NDE1: variants seen among roughly 807,000 people sequenced by gnomAD.
The protein encoded by NDE1 is nudE neurodevelopment protein 1.
NDE1 carries 28 observed loss-of-function variants against 43.4 expected under a neutral mutation model. The ratio of observed to expected loss-of-function variants is 0.65; its 90% CI spans 0.48 to 0.89. The LOEUF (loss-of-function observed/expected upper bound fraction) is 0.89. Ranked by LOEUF, NDE1 falls within the 40% of genes least tolerant of loss-of-function variation. The pLI is 0.00. For missense variants in NDE1, 441 were observed against 434.1 expected (o/e 1.02, Z -0.14); for synonymous variants, 184 against 172.0 (o/e 1.07, Z -0.55).
chr16:15,645,704 A>G (rs776041516), upstream of NDE1, among the ~76,000 whole-genome samples: 3 of 152,194 alleles, frequency 2.0e-5, no homozygotes, highest in Non-Finnish European at 2.9e-5. Flanking sequence ...TTGCTGGGAA[A>G]ACTTTAGAGA....
chr16:15,715,407 G>A (rs902439122), intron 8 of NDE1: 3 of 781,364 alleles, frequency 3.8e-6, no homozygotes, highest in Non-Finnish European at 6.7e-6. Flanking sequence ...CAGTCAGATG[G>A]TGGAATAGTA....
chr16:15,690,283 C>T (rs1031692303), intron 5 of NDE1, among the ~76,000 whole-genome samples: 2 of 150,474 alleles, frequency 1.3e-5, no homozygotes, highest in African/African-American at 2.4e-5. Context: ...AGCAATCCTC[C>T]CATCTCGACC....
intron 8 of NDE1, chr16:15,708,753 A>G (rs1268352638): frequency 1.9e-6 from 3 of 1,573,536 alleles, no homozygotes; most frequent in Non-Finnish European, 2.6e-6. Context: ...TGGGCAGAAA[A>G]GAAATGGATA....
rs1567701550 is a variant in NDE1 at position 15,725,149 on chromosome 16, A to AG, written c.*898_*899insG. ...GGGACTCTGATAAAAAAAAAAAAAA[A>AG]CACACACACACACAAAAAAAACAGA... On this transcript the variant is annotated 3_prime_UTR_variant, in exon 9 of 9. Coordinates refer to ENST00000396354, the MANE Select transcript of NDE1 (RefSeq NM_017668.3). 1.7e-5 allele frequency: 10 copies of AG among 575,984 alleles called. No homozygotes were observed. In the African/African-American group the frequency reaches 2.2e-4, roughly 13 times the overall value. The allele number at this position is 575,984 out of a possible 1,614,324, so 35.7% of individuals were successfully genotyped here.
intron 4 of NDE1, chr16:15,684,132 G>C (rs2038315208): frequency 6.6e-6 from 1 of 152,232 alleles, no homozygotes; most frequent in Non-Finnish European, 1.5e-5. Context: ...TTGACAGACT[G>C]AGGCAGGAGA....
chr16:15,673,945 G>T (rs1377267435), intron 3 of NDE1, among the ~76,000 whole-genome samples: 1 of 152,120 alleles, frequency 6.6e-6, no homozygotes. Flanking sequence ...AGGAGGCTGG[G>T]GTTTGGTCTT....
chr16:15,717,043 C>G (rs575890956), intron 8 of NDE1: 250 of 1,331,650 alleles, frequency 1.9e-4, no homozygotes, highest in Admixed American at 7.9e-4. Context: ...TTCTTACAAG[C>G]CAGAACTGAT....
intron 1 of NDE1, among the ~76,000 whole-genome samples, chr16:15,651,227 C>T (rs1234673533): frequency 2.6e-5 from 4 of 152,252 alleles, no homozygotes; most frequent in South Asian, 2.1e-4. Context: ...CCTCAGGCCC[C>T]TTTTAACTTT....
intron 6 of NDE1, among the ~76,000 whole-genome samples, chr16:15,692,040 G>A (rs1429981368): frequency 6.6e-6 from 1 of 151,888 alleles, no homozygotes; most frequent in Non-Finnish European, 1.5e-5. Flanking sequence ...CCGAGAGCTA[G>A]ACTCAGCGTA....
chr16:15,653,152 C>T (rs995457440), intron 1 of NDE1, among the ~76,000 whole-genome samples: 3 of 152,148 alleles, frequency 2.0e-5, no homozygotes, highest in Admixed American at 1.3e-4. Context: ...CCATTTTTAA[C>T]ATATCCTGAG....
intron 1 of NDE1, 51 bp downstream of exon 1, chr16:15,650,345 T>A (rs1375308386): frequency 4.4e-6 from 1 of 224,746 alleles, no homozygotes; most frequent in South Asian, 3.9e-5. Flanking sequence ...TCCGGGGACC[T>A]CCACCGCGGC....
chr16:15,650,192 G>T (rs1396128715), upstream of NDE1: 2 of 172,396 alleles, frequency 1.2e-5, no homozygotes, highest in East Asian at 1.8e-4. Context: ...GGCGCCGACC[G>T]CAGGCTCCGG....
At chr16:15,650,909 A>T (rs2036469429) in intron 1 of NDE1, among the ~76,000 whole-genome samples, 1 of 152,144 alleles carries the variant, frequency 6.6e-6, no homozygotes, top group South Asian at 2.1e-4. Context: ...CGTTTGGGGC[A>T]GTCTGCTCTC....
chr16:15,693,796 C>T (rs967006224), intron 6 of NDE1, among the ~76,000 whole-genome samples: 3 of 152,072 alleles, frequency 2.0e-5, no homozygotes, highest in Non-Finnish European at 4.4e-5. Context: ...AAAAATTAGC[C>T]GGGTGTGGTG....
Position 15,697,677 on chromosome 16 carries a change from C to T in NDE1, c.947+817C>T, listed in dbSNP as rs773497888. ...GCAGTGAGCCAAAATTGTGCCTCTG[C>T]ACAGCAGCCTGGGTGACAGAGCAAG... On this transcript the variant is annotated intron_variant, in intron 8 of 8. Transcript: ENST00000396354. Among the ~76,000 whole-genome samples the T allele has an allele frequency of 1.3e-3, 199 of 152,216 alleles. 1 individual carries two copies. Among genetic ancestry groups the T allele is most frequent in the Non-Finnish European group, 1.0e-3 (68 of 68,038 alleles).
At chr16:15,664,687 C>A in intron 1 of NDE1, 49 bp from the exon 2 acceptor site, 9 of 950,782 alleles carry the variant, frequency 9.5e-6, no homozygotes, top group Non-Finnish European at 1.4e-5. Flanking sequence ...TAAAGGGGAT[C>A]AGCTGTTTAA....
chr16:15,686,644 C>T (rs3942908), intron 4 of NDE1: 1 of 669,108 alleles, frequency 1.5e-6, no homozygotes, highest in Non-Finnish European at 1.8e-6. Flanking sequence ...TACCACTGCA[C>T]TTCGGCCTGA....
intron 4 of NDE1, among the ~76,000 whole-genome samples, chr16:15,679,106 AAAAC>A (rs1021770575): frequency 3.9e-5 from 6 of 151,966 alleles, no homozygotes; most frequent in African/African-American, 7.3e-5. Context: ...AAACAACAAA[AAAAC>A]AAAAAAAGCA....
At chr16:15,690,120 A>ACTCACTGCT (rs1176694268) in intron 5 of NDE1, among the ~76,000 whole-genome samples, 1 of 151,558 alleles carries the variant, frequency 6.6e-6, no homozygotes, top group African/African-American at 2.4e-5. Flanking sequence ...AGCTCACTGC[A>ACTCACTGCT]CTCACTGCTT....
Sources: allele counts gnomAD v4.1 joint callset (sites outside exome capture counted in the v4.1 genomes callset), GRCh38; gene constraint gnomAD v4.1.1; transcripts MANE v1.5; gene names NCBI Gene and HGNC (gene_info 2026-07-23, HGNC 2026-07-21).